The following GRIK3 variants were observed in gnomAD, a reference collection of about 807,000 sequenced individuals.
The protein encoded by GRIK3 is glutamate ionotropic receptor kainate type subunit 3.
A neutral mutation model predicts 102.5 loss-of-function variants in GRIK3; 29 were observed. That is an observed-to-expected ratio of 0.28 (90% CI 0.21 to 0.39). The LOEUF is 0.39. Ranked by LOEUF, GRIK3 falls within the 10% of genes least tolerant of loss-of-function variation. The probability of loss-of-function intolerance (pLI) is 1.00; values close to 1 mark genes in which losing one functional copy is unlikely to be tolerated. For missense variants in GRIK3, 908 were observed against 1,252.4 expected (o/e 0.73, Z 4.15); for synonymous variants, 511 against 504.9 (o/e 1.01, Z -0.16).
At chr1:36,958,496 T>C (rs1037289913) in intron 1 of GRIK3, among the ~76,000 whole-genome samples, 1 of 149,536 alleles carries the variant, frequency 6.7e-6, no homozygotes, top group African/African-American at 2.5e-5. Flanking sequence ...TCTGTGAGTC[T>C]GTGCTCCATG....
chr1:36,929,211 C>T (rs1197883658), intron 1 of GRIK3, among the ~76,000 whole-genome samples: 1 of 152,006 alleles, frequency 6.6e-6, no homozygotes, highest in Non-Finnish European at 1.5e-5. Flanking sequence ...CCCCATTCAG[C>T]TTTGAGCCTT....
chr1:37,025,348 G>T (rs1361363009), intron 1 of GRIK3, among the ~76,000 whole-genome samples: 1 of 152,168 alleles, frequency 6.6e-6, no homozygotes, highest in Admixed American at 6.5e-5. Flanking sequence ...AAAAAGGCAA[G>T]CACTCAGGCC....
At chr1:36,845,945 T>A (rs1438307540) in intron 9 of GRIK3, among the ~76,000 whole-genome samples, 1 of 152,152 alleles carries the variant, frequency 6.6e-6, no homozygotes, top group Non-Finnish European at 1.5e-5. Flanking sequence ...ACGGCACAAA[T>A]GCACCCATCA....
At chr1:36,925,784 G>C (rs569016615) in intron 1 of GRIK3, among the ~76,000 whole-genome samples, 6 of 152,226 alleles carry the variant, frequency 3.9e-5, no homozygotes, top group Non-Finnish European at 8.8e-5. Flanking sequence ...CATCCTTGGG[G>C]AGGCAAGGGT....
At chr1:37,006,959 G>A (rs549812011) in intron 1 of GRIK3, among the ~76,000 whole-genome samples, 2 of 152,314 alleles carry the variant, frequency 1.3e-5, no homozygotes, top group Admixed American at 6.5e-5. Context: ...CACCAGACTC[G>A]CTTCCTATGA....
At chr1:36,949,122 G>A (rs1326336059) in intron 1 of GRIK3, among the ~76,000 whole-genome samples, 2 of 152,220 alleles carry the variant, frequency 1.3e-5, no homozygotes, top group African/African-American at 4.8e-5. Flanking sequence ...CTGCACTGTG[G>A]AACAGGCCCC....
At position 36,880,868 on chromosome 1, in the gene GRIK3, C is replaced by T. The variant is rs1423778857; in HGVS notation, c.316G>A (p.Val106Met). 12 of 1,610,680 alleles carry T rather than the reference C, an allele frequency of 7.5e-6. No homozygotes were observed. Among genetic ancestry groups the T allele is most frequent in the East Asian group, 2.2e-5 (1 of 44,764 alleles). The change falls in exon 3 of 16, where the codon GTG (valine) becomes ATG (methionine). Residue 106 changes from valine (V) to methionine (M), a missense_variant. By Grantham distance (21) the Val-to-Met change is conservative (BLOSUM62 1). This residue lies in a region of GRIK3 where 585 missense variants were observed against 824.9 expected (regional missense o/e 0.71). Coordinates refer to ENST00000373091, the MANE Select transcript of GRIK3 (RefSeq NM_000831.4). This position sits in a 1 kb window ranked among gnomAD's most constrained non-coding sequence, Gnocchi z 5.4. ...TGTGATGGGCCGAAGATCGCCACCA[C>T]GCCCAGTGCCAGCTGGTCACAGGCT... The part of the protein sequence containing the change: ...KKACDQLALG[V>M]VAIFGPSQGS...
chr1:36,825,806 G>T lies in GRIK3; in HGVS notation c.1551C>A (p.Ala517=). The T allele has an allele frequency of 6.2e-7, 1 of 1,610,854 alleles. No homozygotes were observed. Residue 517 remains alanine, a synonymous_variant, in exon 11 of 16, where the codon GCC becomes GCA. Transcript: ENST00000373091. ...CTCGAACATGGGTGATGGTCAGGGG[G>T]GCCACGGCCAGATCTGCCTTCTGCA... ...LIDHKADLAV[A]PLTITHVREK... is the part of the protein sequence containing the mutation.
chr1:36,958,732 CTG>C (rs1185704188), intron 1 of GRIK3, among the ~76,000 whole-genome samples: 4 of 125,342 alleles, frequency 3.2e-5, no homozygotes, highest in African/African-American at 1.1e-4. Flanking sequence ...CCCCGTGAGC[CTG>C]TGTGTCCCAT....
At chr1:37,002,670 C>CTT (rs57712253) in intron 1 of GRIK3, among the ~76,000 whole-genome samples, 33 of 135,242 alleles carry the variant, frequency 2.4e-4, no homozygotes, top group African/African-American at 6.0e-4. Context: ...TTCTTTCTTT[C>CTT]TTTTTTTTTT....
intron 1 of GRIK3, among the ~76,000 whole-genome samples, chr1:36,908,776 A>AGG (rs1011455865): frequency 3.1e-5 from 4 of 128,244 alleles, no homozygotes; most frequent in Non-Finnish European, 6.8e-5. Context: ...GAAATGGGAT[A>AGG]GGGTGTGTGT....
rs1642501248 is a variant in GRIK3 at position 36,806,249 on chromosome 1, C to T, written c.2169G>A (p.Glu723=). ...CCGTCAGGGCCCTCTGGATGCCCTC[C>T]TCGTTGTTCTTCACCAGCGCCGATG... is the stretch of plus-strand genomic sequence containing the variant. ...SKPSALVKNN[E]EGIQRALTAD... The change falls in exon 14 of 16, where the codon GAG becomes GAA. Residue 723 remains glutamate (E), a synonymous_variant. Coordinates refer to ENST00000373091, the MANE Select transcript of GRIK3 (RefSeq NM_000831.4). The surrounding 1 kb of genome is among the most constrained non-coding windows in gnomAD (Gnocchi z 4.0). 6.2e-7 allele frequency: 1 copy of T among 1,614,116 alleles called. No individual in the cohort carries two copies. Among genetic ancestry groups the T allele is most frequent in the East Asian group, 2.2e-5 (1 of 44,874 alleles).
chr1:36,844,261 A>G (rs1335398378), intron 9 of GRIK3, among the ~76,000 whole-genome samples: 1 of 152,162 alleles, frequency 6.6e-6, no homozygotes, highest in Non-Finnish European at 1.5e-5. Context: ...AGGAAGCTGG[A>G]CCCTCGGCTA....
At chr1:36,858,406 C>T (rs1640677914) in intron 7 of GRIK3, among the ~76,000 whole-genome samples, 1 of 152,162 alleles carries the variant, frequency 6.6e-6, no homozygotes, top group Non-Finnish European at 1.5e-5. Flanking sequence ...GACAATAAGC[C>T]CTGCCATCCA....
At chr1:36,841,972 A>T (rs1640459144) in intron 9 of GRIK3, 33 bp from the exon 10 acceptor site, 6 of 1,571,176 alleles carry the variant, frequency 3.8e-6, no homozygotes, top group Non-Finnish European at 5.3e-6. Flanking sequence ...TGTGACGAAG[A>T]CTGAGCAGCT....
intron 5 of GRIK3, among the ~76,000 whole-genome samples, chr1:36,862,373 C>A (rs1035074245): frequency 6.6e-6 from 1 of 152,114 alleles, no homozygotes; most frequent in African/African-American, 2.4e-5. Flanking sequence ...TTACTCCAAA[C>A]CCTCTATGTT....
At chr1:36,830,810 CAAAAAAAAAAAAAA>C in intron 10 of GRIK3, among the ~76,000 whole-genome samples, 1 of 41,362 alleles carries the variant, frequency 2.4e-5, no homozygotes, top group African/African-American at 7.2e-5. Context: ...GACTCTGTCT[CAAAAAAAAAAAAAA>C]AAAAAAAAAA....
At chr1:36,925,840 T>C (rs1641521569) in intron 1 of GRIK3, among the ~76,000 whole-genome samples, 1 of 152,210 alleles carries the variant, frequency 6.6e-6, no homozygotes, top group African/African-American at 2.4e-5. Context: ...ACCTTGAACA[T>C]TACCAATTAT....
chr1:36,938,163 C>T (rs1435874328), intron 1 of GRIK3, among the ~76,000 whole-genome samples: 4 of 152,196 alleles, frequency 2.6e-5, no homozygotes, highest in East Asian at 1.9e-4. Context: ...AGGGCAAGTG[C>T]TGAGGCTGAA....
Sources: gnomAD v4.1 joint callset for allele counts (sites outside exome capture counted in the v4.1 genomes callset) on GRCh38, gnomAD v4.1.1 for gene constraint, gnomAD v4.1.1 regional missense constraint, Gnocchi (gnomAD v3.1) non-coding constraint, MANE v1.5 for transcripts, NCBI Gene and HGNC (gene_info 2026-07-23, HGNC 2026-07-21) for gene names.